MINDY3: variants seen among roughly 807,000 people sequenced by gnomAD.
MINDY3 encodes ubiquitin carboxyl-terminal hydrolase MINDY-3.
A neutral mutation model predicts 69.2 loss-of-function variants in MINDY3; 38 were observed. The ratio of observed to expected loss-of-function variants is 0.55; its 90% CI spans 0.42 to 0.72. The LOEUF (loss-of-function observed/expected upper bound fraction) is 0.72. MINDY3 is among the 30% of genes least tolerant of loss of function. The probability of loss-of-function intolerance (pLI) is 0.00; values close to 1 mark genes in which losing one functional copy is unlikely to be tolerated. For missense variants in MINDY3, 522 were observed against 519.0 expected (o/e 1.01, Z -0.06); for synonymous variants, 192 against 180.1 (o/e 1.07, Z -0.53).
Position 15,778,934 on chromosome 10 carries a change from C to A in MINDY3, c.*58G>T, listed in dbSNP as rs1836299581. ...TAGCTTAATCCAGCCAATTGCCAGT[C>A]TTGACTCCTTCTTTCAACATCTGTT... On this transcript the variant is annotated 3_prime_UTR_variant, in exon 15 of 15. Transcript: ENST00000277632. 1.3e-6 allele frequency: 2 copies of A among 1,517,418 alleles called. No homozygotes were observed. Among genetic ancestry groups the A allele is most frequent in the African/African-American group, 2.8e-5 (2 of 72,668 alleles). The allele number at this position is 1,517,418 out of a possible 1,614,324, so 94.0% of individuals were successfully genotyped here. A position where few individuals can be genotyped will look rare whatever the true frequency, so the allele number is the denominator to read the frequency against.
At chr10:15,780,334 T>C (rs1351728040) in intron 14 of MINDY3, among the ~76,000 whole-genome samples, 1 of 152,236 alleles carries the variant, frequency 6.6e-6, no homozygotes, top group Admixed American at 6.5e-5. Context: ...TTAGTTAATA[T>C]ATTAGTTTCT....
At chr10:15,843,145 G>A in intron 3 of MINDY3, 67 bp downstream of exon 3, 4 of 1,290,298 alleles carry the variant, frequency 3.1e-6, no homozygotes, top group Non-Finnish European at 4.4e-6. Context: ...GACTTTCTCA[G>A]ATAATTTTAG....
intron 1 of MINDY3, among the ~76,000 whole-genome samples, chr10:15,851,213 G>T (rs911106251): frequency 6.6e-6 from 1 of 152,024 alleles, no homozygotes; most frequent in African/African-American, 2.4e-5. Context: ...TTGGTTTTAG[G>T]ATCTATGCTC....
intron 2 of MINDY3, among the ~76,000 whole-genome samples, chr10:15,845,537 T>C (rs1001028144): frequency 2.0e-5 from 3 of 152,148 alleles, no homozygotes; most frequent in Non-Finnish European, 4.4e-5. Flanking sequence ...TCTCCCTCTA[T>C]TGCCCAGGTT....
intron 8 of MINDY3, among the ~76,000 whole-genome samples, chr10:15,827,268 G>A (rs1392652332): frequency 2.0e-5 from 3 of 150,748 alleles, no homozygotes; most frequent in South Asian, 2.1e-4. Flanking sequence ...CCAGCCAGGC[G>A]CGGTAGCTCA....
At chr10:15,855,660 C>T (rs558272790) in intron 1 of MINDY3, among the ~76,000 whole-genome samples, 2 of 152,214 alleles carry the variant, frequency 1.3e-5, no homozygotes, top group South Asian at 2.1e-4. Context: ...ACTTACTATA[C>T]ATATACACAT....
chr10:15,794,392 C>A (rs1250814470), intron 11 of MINDY3, among the ~76,000 whole-genome samples: 2 of 152,052 alleles, frequency 1.3e-5, no homozygotes, highest in Non-Finnish European at 2.9e-5. Context: ...CTTCTTAGAG[C>A]TGACTATACA....
chr10:15,820,271 G>A (rs1839666719), intron 9 of MINDY3, among the ~76,000 whole-genome samples: 1 of 152,144 alleles, frequency 6.6e-6, no homozygotes, highest in East Asian at 1.9e-4. Context: ...GCACTGGAGA[G>A]GGCTCGGCGT....
chr10:15,831,205 G>GT (rs1261390235), intron 8 of MINDY3, among the ~76,000 whole-genome samples: 3 of 152,200 alleles, frequency 2.0e-5, no homozygotes, highest in Non-Finnish European at 4.4e-5. Flanking sequence ...GCAGTCAGCA[G>GT]TAAGAGTTTA....
chr10:15,832,460 T>G (rs1399130204), intron 8 of MINDY3, among the ~76,000 whole-genome samples: 1 of 151,518 alleles, frequency 6.6e-6, no homozygotes, highest in Non-Finnish European at 1.5e-5. Context: ...TTTTTTTTCA[T>G]TGACAGGATT....
intron 11 of MINDY3, among the ~76,000 whole-genome samples, chr10:15,795,724 G>T (rs1230224776): frequency 6.6e-6 from 1 of 151,990 alleles, no homozygotes; most frequent in Non-Finnish European, 1.5e-5. Flanking sequence ...TCTTTATCCT[G>T]GGAGGTCAAT....
At position 15,786,667 on chromosome 10, in the gene MINDY3, A is replaced by G. The variant is rs974006487; in HGVS notation, c.1029-19T>C. 3 of 1,394,766 alleles carry G rather than the reference A, an allele frequency of 2.2e-6. No homozygotes were observed. The African/African-American group carries it at 4.3e-5, about 20-fold the overall frequency. 86.4% of individuals were successfully genotyped at this position (1,394,766 alleles called of 1,614,324 possible). On this transcript the variant is annotated intron_variant, in intron 12 of 14. Coordinates refer to ENST00000277632, the MANE Select transcript of MINDY3 (RefSeq NM_024948.4). ...ATTTATACTACGGGGAGAAAGAAGA[A>G]AAACAGTGGATACCAGAGGAAAAAA...
At chr10:15,830,506 A>G (rs1840383982) in intron 8 of MINDY3, among the ~76,000 whole-genome samples, 1 of 152,248 alleles carries the variant, frequency 6.6e-6, no homozygotes, top group Non-Finnish European at 1.5e-5. Context: ...TTAATGATAC[A>G]CTGCCTCTTA....
chr10:15,851,522 T>C (rs1018922870), intron 1 of MINDY3, among the ~76,000 whole-genome samples: 11 of 151,876 alleles, frequency 7.2e-5, no homozygotes, highest in African/African-American at 2.7e-4. Context: ...TGCTAACCAT[T>C]TCTCTGGAAA....
chr10:15,786,774 A>G, intron 12 of MINDY3, 126 bp from the exon 13 acceptor site: 1 of 652,094 alleles, frequency 1.5e-6, no homozygotes, highest in Non-Finnish European at 2.8e-6. Context: ...TGTTCTTTTT[A>G]GAACCTTAAT....
At chr10:15,833,378 A>G (rs191816820) in intron 8 of MINDY3, among the ~76,000 whole-genome samples, 165 of 152,318 alleles carry the variant, frequency 1.1e-3, no homozygotes, top group Non-Finnish European at 2.0e-3. Flanking sequence ...CCAGTTTTAT[A>G]CCACAGAAAA....
At chr10:15,843,160 T>A in intron 3 of MINDY3, 52 bp downstream of exon 3, 2 of 1,375,934 alleles carry the variant, frequency 1.5e-6, no homozygotes, top group Non-Finnish European at 2.0e-6. Context: ...TTTTAGATCA[T>A]CTCTATTAAA....
intron 3 of MINDY3, among the ~76,000 whole-genome samples, chr10:15,842,370 C>T (rs1179613937): frequency 6.6e-6 from 1 of 151,754 alleles, no homozygotes; most frequent in African/African-American, 2.4e-5. Context: ...CAATGCTTTA[C>T]AAATGTTTTA....
chr10:15,829,809 C>T lies in MINDY3; in HGVS notation c.730+3821G>A, dbSNP rs867034432. ...GGAGCAGCTAGCATTTCTGTGCTTG[C>T]GCTAGGCAGCATATATGAATATGTG... On this transcript the variant is annotated intron_variant, in intron 8 of 14. Transcript: ENST00000277632. Among the ~76,000 whole-genome samples the T allele has an allele frequency of 6.6e-5, 10 of 152,280 alleles. No homozygotes were observed. The East Asian group carries it at 7.7e-4, about 12-fold the overall frequency.
Sources: allele counts gnomAD v4.1 joint callset (sites outside exome capture counted in the v4.1 genomes callset), GRCh38; gene constraint gnomAD v4.1.1; transcripts MANE v1.5; gene names NCBI Gene and HGNC (gene_info 2026-07-23, HGNC 2026-07-21).